The following IQSEC3 variants were observed in gnomAD, a reference collection of about 807,000 sequenced individuals.
IQSEC3 encodes the protein IQ motif and SEC7 domain-containing protein 3.
IQSEC3 carries 50 observed loss-of-function variants against 105.4 expected under a neutral mutation model. That is an observed-to-expected ratio of 0.47 (90% CI 0.38 to 0.60). The LOEUF (loss-of-function observed/expected upper bound fraction) is 0.60, where lower values mean the gene tolerates loss of function less well. Ranked by LOEUF, IQSEC3 falls within the 20% of genes least tolerant of loss-of-function variation. IQSEC3 has a pLI of 0.00. For synonymous variants in IQSEC3, 708 were observed against 746.0 expected, an observed-to-expected ratio of 0.95 and a Z score of 0.83; for missense variants, 1,415 against 1,630.0, an observed-to-expected ratio of 0.87 and a Z score of 2.27.
At chr12:90,219 T>G (rs1335501639) in intron 1 of IQSEC3, among the ~76,000 whole-genome samples, 14 of 152,264 alleles carry the variant, frequency 9.2e-5, no homozygotes. Context: ...ATATTTCCTT[T>G]GGAGAAGTGT....
intron 1 of IQSEC3, among the ~76,000 whole-genome samples, chr12:87,038 A>G (rs1428719792): frequency 6.6e-6 from 1 of 152,142 alleles, no homozygotes; most frequent in African/African-American, 2.4e-5. Flanking sequence ...CTAGGACCAG[A>G]GGCAAATAAC....
At chr12:153,911 C>T (rs893360909) in intron 5 of IQSEC3, among the ~76,000 whole-genome samples, 5 of 152,298 alleles carry the variant, frequency 3.3e-5, no homozygotes, top group Middle Eastern at 3.4e-3. Flanking sequence ...AATGCTGATT[C>T]CCAGGACTTG....
At position 169,034 on chromosome 12, in the gene IQSEC3, G is replaced by A. The variant is rs1555099453; in HGVS notation, c.2993G>A (p.Gly998Glu). ...RIEWELEKQQ[G>E]TKTLSFKPCG... ...TTAGGGGAGCTGGAGAAGCAGCAGG[G>A]AACAAAGACACTCTCCTTCAAGCCC... Residue 998 changes from glycine to glutamate, a missense_variant, in exon 12 of 14, where the codon GGA becomes GAA. Gly to Glu is a moderately conservative substitution (Grantham distance 98, BLOSUM62 -2). Around this residue, in one of 6 missense-constraint regions of IQSEC3, gnomAD observed 419 missense variants for 436.2 expected, o/e 0.96. Coordinates refer to ENST00000538872, the MANE Select transcript of IQSEC3 (RefSeq NM_001170738.2). 6.2e-7 allele frequency: 1 copy of A among 1,613,948 alleles called. No homozygotes were observed.
chr12:131,056 GC>G lies in IQSEC3; in HGVS notation c.903+5150del, dbSNP rs1190896770. On this transcript the variant is annotated intron_variant, in intron 3 of 13. Coordinates refer to ENST00000538872, the MANE Select transcript of IQSEC3 (RefSeq NM_001170738.2). ...CCTGGCCCCCGCTCCTCAGCACTGT[GC>G]CCCCCAGCTAGCGGCTCTTCCTCCC... Among the ~76,000 whole-genome samples, 6 of 70,288 alleles carry G rather than the reference GC, an allele frequency of 8.5e-5. No individual in the cohort carries two copies. The South Asian group carries it at 3.7e-3, about 43-fold the overall frequency. 46.1% of individuals were successfully genotyped at this position (70,288 alleles called of 152,430 possible). A position where few individuals can be genotyped will look rare whatever the true frequency, so the allele number is the denominator to read the frequency against.
intron 12 of IQSEC3, among the ~76,000 whole-genome samples, chr12:170,517 G>A (rs971537003): frequency 2.0e-5 from 3 of 152,234 alleles, no homozygotes; most frequent in Admixed American, 6.5e-5. Context: ...GGGCTCCTGC[G>A]GGGGTCGGGG....
At chr12:170,834 G>A (rs1267571843) in intron 12 of IQSEC3, among the ~76,000 whole-genome samples, 1 of 152,224 alleles carries the variant, frequency 6.6e-6, no homozygotes. Context: ...TTTACAGTTC[G>A]TACTGGGAAG....
At chr12:104,912 G>A (rs1864591740) in intron 2 of IQSEC3, among the ~76,000 whole-genome samples, 1 of 152,282 alleles carries the variant, frequency 6.6e-6, no homozygotes, top group Admixed American at 6.5e-5. Flanking sequence ...TAAATTCTCA[G>A]TCGATACAGT....
intron 1 of IQSEC3, among the ~76,000 whole-genome samples, chr12:77,929 G>C (rs1863604006): frequency 6.6e-6 from 1 of 151,728 alleles, no homozygotes; most frequent in African/African-American, 2.4e-5. Context: ...CGGCAGGCGA[G>C]AAGGAATCTC....
Position 169,083 on chromosome 12 carries a change from G to T in IQSEC3, c.3042G>T (p.Gln1014His). Residue 1014 changes from glutamine (Q) to histidine (H), a missense_variant, in exon 12 of 14, where the codon CAG (glutamine) becomes CAT (histidine). By Grantham distance (24) the Gln-to-His change is conservative (BLOSUM62 0). This residue lies in a region of IQSEC3 where 419 missense variants were observed against 436.2 expected (regional missense o/e 0.96). Transcript: ENST00000538872. ...CCTGCGGAGCCCAGGGGGACCCACAGTCAAAGCAAGGATCGCCGACAGGTG... is the reference window on the plus strand; with the variant it reads ...CCTGCGGAGCCCAGGGGGACCCACATTCAAAGCAAGGATCGCCGACAGGTG... ...FKPCGAQGDP[Q>H]SKQGSPTAKR... The T allele has an allele frequency of 6.2e-7, 1 of 1,613,984 alleles. No individual in the cohort carries two copies. Among genetic ancestry groups the T allele is most frequent in the Non-Finnish European group, 8.5e-7 (1 of 1,180,000 alleles).
At chr12:73,098 A>AT (rs1863390081) in intron 1 of IQSEC3, among the ~76,000 whole-genome samples, 14 of 145,254 alleles carry the variant, frequency 9.6e-5, no homozygotes, top group African/African-American at 2.8e-4. Flanking sequence ...AAATAAATAA[A>AT]AAAGGGAATC....
chr12:174,793 C>A lies in IQSEC3; in HGVS notation c.3309C>A (p.Asp1103Glu). The A allele has an allele frequency of 6.3e-7, 1 of 1,586,932 alleles. No individual in the cohort carries two copies. Among genetic ancestry groups the A allele is most frequent in the Non-Finnish European group, 8.5e-7 (1 of 1,175,162 alleles). The change falls in exon 14 of 14, where the codon GAC becomes GAA. Residue 1103 changes from aspartate (D) to glutamate (E), a missense_variant. By Grantham distance (45) the Asp-to-Glu change is conservative. Coordinates refer to ENST00000538872, the MANE Select transcript of IQSEC3 (RefSeq NM_001170738.2). ...CQQIVKVIVL[D>E]KPCLARMEPL... ...AAATTGTCAAGGTCATTGTCCTGGA[C>A]AAGCCCTGCCTGGCCCGCATGGAGC...
At chr12:124,685 G>A (rs1555082680) in intron 2 of IQSEC3, among the ~76,000 whole-genome samples, 2 of 152,232 alleles carry the variant, frequency 1.3e-5, no homozygotes, top group Admixed American at 1.3e-4. Flanking sequence ...TGTTCCAGGA[G>A]ACACAGCAGT....
At chr12:91,528 A>G (rs111923023) in intron 1 of IQSEC3, among the ~76,000 whole-genome samples, 3,659 of 152,278 alleles carry the variant, frequency 0.024, 120 homozygotes, top group African/African-American at 0.072. Flanking sequence ...TAATCCCAGC[A>G]CTTTGGGAGG....
intron 3 of IQSEC3, among the ~76,000 whole-genome samples, chr12:127,154 C>T (rs550811718): frequency 1.1e-4 from 16 of 152,348 alleles, no homozygotes; most frequent in African/African-American, 3.4e-4. Flanking sequence ...GTTACATTCA[C>T]CTGGCTTTCT....
intron 1 of IQSEC3, among the ~76,000 whole-genome samples, chr12:95,910 C>G (rs1205586820): frequency 6.6e-6 from 1 of 152,170 alleles, no homozygotes; most frequent in Non-Finnish European, 1.5e-5. Flanking sequence ...GCATTTCCCC[C>G]CTCCACCACC....
chr12:81,263 A>G (rs1255387346), intron 1 of IQSEC3, among the ~76,000 whole-genome samples: 1 of 152,174 alleles, frequency 6.6e-6, no homozygotes, highest in East Asian at 1.9e-4. Context: ...TGTTGAGGGC[A>G]TTGGAGTCCG....
chr12:155,267 G>A (rs1866647068), intron 5 of IQSEC3, among the ~76,000 whole-genome samples: 2 of 152,328 alleles, frequency 1.3e-5, no homozygotes, highest in South Asian at 4.1e-4. Context: ...CCCTGATCCT[G>A]GTGCTGCCGA....
chr12:125,825 G>A lies in IQSEC3; in HGVS notation c.816G>A (p.Arg272=). The A allele has an allele frequency of 1.3e-6, 2 of 1,529,856 alleles. No individual in the cohort carries two copies. Among genetic ancestry groups the A allele is most frequent in the Non-Finnish European group, 1.7e-6 (2 of 1,144,676 alleles). 94.8% of individuals were successfully genotyped at this position (1,529,856 alleles called of 1,614,324 possible). Residue 272 remains arginine (R), a synonymous_variant, in exon 3 of 14, where the codon CGG becomes CGA. Coordinates refer to ENST00000538872, the MANE Select transcript of IQSEC3 (RefSeq NM_001170738.2). ...CCCAGCACAAGGCCTCCCCCGGCCG[G>A]CAGCAGCCTGCCCTGGCGACGGCGC... ...AGPQHKASPG[R]QQPALATALC... is the part of the protein sequence containing the mutation.
At chr12:71,257 C>A (rs1863304976) in intron 1 of IQSEC3, among the ~76,000 whole-genome samples, 1 of 152,250 alleles carries the variant, frequency 6.6e-6, no homozygotes, top group South Asian at 2.1e-4. Context: ...TCATGACTGG[C>A]CCATCCTGGA....
Sources: gnomAD v4.1 joint callset for allele counts (sites outside exome capture counted in the v4.1 genomes callset) on GRCh38, gnomAD v4.1.1 for gene constraint, gnomAD v4.1.1 regional missense constraint, MANE v1.5 for transcripts, NCBI Gene and HGNC (gene_info 2026-07-23, HGNC 2026-07-21) for gene names.